A4GALT: variants seen among roughly 807,000 people sequenced by gnomAD.
The protein encoded by A4GALT is lactosylceramide 4-alpha-galactosyltransferase.
For missense variants in A4GALT, 512 were observed against 486.0 expected (o/e 1.05, Z -0.50); for synonymous variants, 257 against 220.7 (o/e 1.16, Z -1.46).
intron 1 of A4GALT, among the ~76,000 whole-genome samples, chr22:42,703,264 T>TC (rs928771183): frequency 6.7e-6 from 1 of 149,500 alleles, no homozygotes; most frequent in African/African-American, 2.5e-5. Context: ...TTTTTGTTTT[T>TC]TTTTTTTTTG....
chr22:42,698,918 CGTGAGTTTACAAA>C (rs1398718334), intron 1 of A4GALT, among the ~76,000 whole-genome samples: 3 of 151,122 alleles, frequency 2.0e-5, no homozygotes, highest in African/African-American at 7.3e-5. Context: ...CCACCAGCAC[CGTGAGTTTACAAA>C]TGCCATCGCA....
intron 1 of A4GALT, among the ~76,000 whole-genome samples, chr22:42,705,036 G>A (rs1238131074): frequency 6.6e-6 from 1 of 152,140 alleles, no homozygotes; most frequent in African/African-American, 2.4e-5. Flanking sequence ...GTTAGGTTCT[G>A]GAGGTGAAAG....
At chr22:42,714,576 G>A (rs1236957581) in intron 1 of A4GALT, among the ~76,000 whole-genome samples, 1 of 150,978 alleles carries the variant, frequency 6.6e-6, no homozygotes, top group East Asian at 1.9e-4. Flanking sequence ...AAAAAAAAAA[G>A]ATCAACCTAG....
chr22:42,707,073 G>C (rs769002609), intron 1 of A4GALT, among the ~76,000 whole-genome samples: 1 of 152,056 alleles, frequency 6.6e-6, no homozygotes, highest in Non-Finnish European at 1.5e-5. Flanking sequence ...GAAACATTAA[G>C]TAGCATGAAC....
chr22:42,693,828 CG>C lies in A4GALT; in HGVS notation c.123del (p.His41GlnfsTer24). 3 of 1,607,882 alleles carry C rather than the reference CG, an allele frequency of 1.9e-6. No individual in the cohort carries two copies. Among genetic ancestry groups the C allele is most frequent in the Non-Finnish European group, 2.5e-6 (3 of 1,177,454 alleles). On this transcript the variant is annotated frameshift_variant, in exon 3 of 3. Coordinates refer to ENST00000642412, the MANE Select transcript of A4GALT (RefSeq NM_017436.7). LOFTEE classifies it low-confidence loss of function (END_TRUNC). ...CCTTTCTCCTTGGGCTCTCCCACAA[CG>C]TGCCAGTAGATCATGATGGAGACGA... ...TFFVSIMIYWHVVGEPKEKGQ... is the reference protein window; with the variant it reads ...TFFVSIMIYWXVVGEPKEKGQ...
chr22:42,709,067 A>ATATATATATTTT (rs1180529043), intron 1 of A4GALT, among the ~76,000 whole-genome samples: 7 of 128,802 alleles, frequency 5.4e-5, no homozygotes, highest in Admixed American at 1.6e-4. Flanking sequence ...ATATATATAT[A>ATATATATATTTT]TTTTTTTTAA....
At position 42,693,562 on chromosome 22, in the gene A4GALT, G is replaced by C; in HGVS notation, c.390C>G (p.Ile130Met). The change falls in exon 3 of 3, where the codon ATC becomes ATG. Residue 130 changes from isoleucine (I) to methionine (M), a missense_variant. Transcript: ENST00000642412. ...GNASLPRHLG[I>M]SLLSCFPNVQ... ...CATTCGGGAAGCAGCTCAGAAGTGA[G>C]ATGCCCAGGTGCCGGGGCAGAGAGG... is the stretch of plus-strand genomic sequence containing the variant. 6.2e-7 allele frequency: 1 copy of C among 1,613,638 alleles called. No individual in the cohort carries two copies. Among genetic ancestry groups the C allele is most frequent in the Non-Finnish European group, 8.5e-7 (1 of 1,180,036 alleles).
chr22:42,706,726 C>T (rs1031846454), intron 1 of A4GALT, among the ~76,000 whole-genome samples: 53 of 150,610 alleles, frequency 3.5e-4, no homozygotes, highest in Non-Finnish European at 7.4e-4. Context: ...AACTGGGAGG[C>T]GGAGGTTGCA....
At chr22:42,704,286 GCCTGCC>G (rs386821559) in intron 1 of A4GALT, among the ~76,000 whole-genome samples, 21 of 152,108 alleles carry the variant, frequency 1.4e-4, no homozygotes, top group African/African-American at 5.1e-4. Context: ...TTCAAGACTA[GCCTGCC>G]CAATATGGTG....
chr22:42,706,582 G>A (rs971006332), intron 1 of A4GALT, among the ~76,000 whole-genome samples: 4 of 151,886 alleles, frequency 2.6e-5, no homozygotes, highest in East Asian at 1.9e-4. Context: ...ATCACCTGAG[G>A]TCAGGAGTTC....
chr22:42,708,525 G>C (rs1921362907), intron 1 of A4GALT, among the ~76,000 whole-genome samples: 2 of 135,558 alleles, frequency 1.5e-5, no homozygotes, highest in Admixed American at 7.4e-5. Context: ...GCAAGACCCT[G>C]TTTTGAGAAG....
chr22:42,692,961 T>C lies in A4GALT; in HGVS notation c.991A>G (p.Arg331Gly). The change falls in exon 3 of 3, where the codon AGG becomes GGG. Residue 331 changes from arginine (R) to glycine (G), a missense_variant. Physicochemically the swap from Arg to Gly is moderately radical, Grantham distance 125. Transcript: ENST00000642412. This position sits in a 1 kb window ranked among gnomAD's most constrained non-coding sequence, Gnocchi z 4.6. ...GCATGCAGCTGGGCCAGCAGTGCCC[T>C]GGACGTGGCCTCGAACCGCGTGCCC... ...SQGTRFEATS[R>G]ALLAQLHARY... 3.1e-6 allele frequency: 5 copies of C among 1,612,540 alleles called. No homozygotes were observed. The highest frequency in any genetic ancestry group is 4.2e-6 in the Non-Finnish European group (5 of 1,179,932).
intron 1 of A4GALT, among the ~76,000 whole-genome samples, chr22:42,700,250 T>C (rs1931210768): frequency 6.6e-6 from 1 of 152,234 alleles, no homozygotes. Flanking sequence ...ATTCTGTTCC[T>C]GGTGCTGACA....
intron 1 of A4GALT, among the ~76,000 whole-genome samples, chr22:42,713,810 CAAAAAAAAAAAAA>C (rs35353035): frequency 1.7e-4 from 16 of 93,160 alleles, no homozygotes; most frequent in African/African-American, 6.0e-4. Flanking sequence ...GAAACTCTGT[CAAAAAAAAAAAAA>C]AAAAAAAGAC....
rs139877457 is a variant in A4GALT at position 42,706,104 on chromosome 22, T to C, written c.-187-10473A>G. On this transcript the variant is annotated intron_variant, in intron 1 of 2. Coordinates refer to ENST00000642412, the MANE Select transcript of A4GALT (RefSeq NM_017436.7). ...GGTGCGGTGGCTCACGCCTGTAATC[T>C]CAGCACTTTGGGAGGCCAAGGCGGG... is the stretch of plus-strand genomic sequence containing the variant. 5.0e-3 allele frequency among the ~76,000 whole-genome samples: 526 copies of C among 105,044 alleles called. 97 individuals carry two copies. In the East Asian group the frequency reaches 0.074, roughly 15 times the overall value. 68.9% of individuals were successfully genotyped at this position (105,044 alleles called of 152,430 possible).
rs201965177 is a variant in A4GALT, at chr22:42,693,427, G to A, written c.525C>T (p.Ser175=). 303 of 1,613,196 alleles carry A rather than the reference G, an allele frequency of 1.9e-4. No homozygotes were observed. The highest frequency in any genetic ancestry group is 2.5e-4 in the Non-Finnish European group (291 of 1,179,998). The change falls in exon 3 of 3, where the codon TCC becomes TCT. Residue 175 remains serine, a synonymous_variant. Transcript: ENST00000642412. ...RWEPYLLPVL[S]DASRIALMWK... is the part of the protein sequence containing the mutation. ...ACATGAGTGCGATCCTGGAGGCGTC[G>A]GAGAGCACGGGCAGCAGGTAGGGCT...
chr22:42,696,722 A>T (rs1200439074), intron 1 of A4GALT, among the ~76,000 whole-genome samples: 1 of 151,932 alleles, frequency 6.6e-6, no homozygotes, highest in African/African-American at 2.4e-5. Flanking sequence ...TTCTCAGCTC[A>T]GACCCTGAAT....
At chr22:42,704,748 A>G (rs1397813503) in intron 1 of A4GALT, among the ~76,000 whole-genome samples, 1 of 152,058 alleles carries the variant, frequency 6.6e-6, no homozygotes, top group Admixed American at 6.6e-5. Flanking sequence ...CTCTTCTACC[A>G]AATTATACAA....
At chr22:42,713,743 T>A (rs1602023496) in intron 1 of A4GALT, among the ~76,000 whole-genome samples, 1 of 131,400 alleles carries the variant, frequency 7.6e-6, no homozygotes, top group Admixed American at 8.5e-5. Context: ...ACCCAGGAGG[T>A]GGCGGTTGCA....
Sources: allele counts gnomAD v4.1 joint callset (sites outside exome capture counted in the v4.1 genomes callset), GRCh38; gene constraint gnomAD v4.1.1; non-coding constraint Gnocchi (gnomAD v3.1); transcripts MANE v1.5; gene names NCBI Gene and HGNC (gene_info 2026-07-23, HGNC 2026-07-21).